RALGPS1: variants seen among roughly 807,000 people sequenced by gnomAD.
RALGPS1 encodes ras-specific guanine nucleotide-releasing factor RalGPS1.
A neutral mutation model predicts 78.8 loss-of-function variants in RALGPS1; 19 were observed. The ratio of observed to expected loss-of-function variants is 0.24; its 90% CI spans 0.17 to 0.35. The LOEUF is 0.35. Among genes scored for constraint, RALGPS1 ranks in the 10% least tolerant of loss-of-function variants. The pLI is 1.00. For missense variants in RALGPS1, 454 were observed against 688.3 expected, an observed-to-expected ratio of 0.66 and a Z score of 3.81; for synonymous variants, 228 against 256.3, an observed-to-expected ratio of 0.89 and a Z score of 1.06.
chr9:127,172,587 C>T (rs761753612), intron 10 of RALGPS1, among the ~76,000 whole-genome samples: 4 of 152,224 alleles, frequency 2.6e-5, no homozygotes, highest in Admixed American at 1.3e-4. Flanking sequence ...CATAGCCATT[C>T]GCTTCTTGCT....
chr9:127,050,190 C>A, intron 6 of RALGPS1, 58 bp downstream of exon 6: 1 of 1,342,456 alleles, frequency 7.4e-7, no homozygotes, highest in South Asian at 1.2e-5. Context: ...CACCTCCTCC[C>A]CAAAAATATG....
rs145610312 is a variant in RALGPS1, at chr9:127,176,019, C to T, written c.910+1237C>T. The stretch of plus-strand genomic sequence containing the variant: ...CTGCCCTGATTCCCAGGGGGGACTC[C>T]GGGCTGCTTGCCTTTTCCAGCCTCT... On this transcript the variant is annotated intron_variant, in intron 11 of 18. Coordinates refer to ENST00000259351, the MANE Select transcript of RALGPS1 (RefSeq NM_014636.3). Among the ~76,000 whole-genome samples the T allele has an allele frequency of 3.8e-3, 574 of 152,232 alleles. 2 individuals are homozygous for T. Among genetic ancestry groups the T allele is most frequent in the African/African-American group, 0.013 (538 of 41,518 alleles).
chr9:127,069,451 C>T (rs982008988), intron 8 of RALGPS1, 95 bp downstream of exon 8: 35 of 1,407,384 alleles, frequency 2.5e-5, no homozygotes, highest in Non-Finnish European at 3.0e-5. Context: ...TTCCAGGAAG[C>T]GACATGGCCC....
At chr9:127,089,626 A>T (rs1321930948) in intron 8 of RALGPS1, among the ~76,000 whole-genome samples, 2 of 152,202 alleles carry the variant, frequency 1.3e-5, no homozygotes, top group Non-Finnish European at 2.9e-5. Context: ...AATGACAAAG[A>T]AAGTGTTTAA....
intron 14 of RALGPS1, 46 bp downstream of exon 14, chr9:127,199,112 G>A (rs2061487281): frequency 1.3e-6 from 2 of 1,579,780 alleles, no homozygotes; most frequent in South Asian, 2.2e-5. Flanking sequence ...GCGGTGCTCA[G>A]GGCTGAGGGA....
intron 7 of RALGPS1, among the ~76,000 whole-genome samples, chr9:127,057,220 C>T (rs2048818865): frequency 1.3e-5 from 2 of 152,106 alleles, no homozygotes; most frequent in South Asian, 4.1e-4. Flanking sequence ...GACAAATAGA[C>T]ACCTACACTG....
chr9:127,166,257 G>A (rs1163353437), intron 9 of RALGPS1, 51 bp downstream of exon 9: 1 of 1,598,400 alleles, frequency 6.3e-7, no homozygotes, highest in South Asian at 1.1e-5. Context: ...TTGAAATTTG[G>A]GTCTTACCAG....
rs73591247 is a variant in RALGPS1, at chr9:127,036,509, G to A, written c.300+1995G>A. On this transcript the variant is annotated intron_variant, in intron 5 of 18. Coordinates refer to ENST00000259351, the MANE Select transcript of RALGPS1 (RefSeq NM_014636.3). The stretch of plus-strand genomic sequence containing the variant: ...GGAATATGAAGAGCTTTAGCACAAT[G>A]TCTGGCATGTAGTAAGCATCCAAAT... Among the ~76,000 whole-genome samples, 1,495 of 152,360 alleles carry A rather than the reference G, an allele frequency of 9.8e-3. 30 individuals carry two copies. The highest frequency in any genetic ancestry group is 0.034 in the African/African-American group (1,404 of 41,580).
chr9:126,961,650 G>A (rs903397191), intron 1 of RALGPS1, among the ~76,000 whole-genome samples: 1 of 152,156 alleles, frequency 6.6e-6, no homozygotes, highest in Non-Finnish European at 1.5e-5. Flanking sequence ...AAAACAATTA[G>A]TGGAGCATGG....
At position 127,155,898 on chromosome 9, in the gene RALGPS1, C is replaced by CT. The variant is rs11322458; in HGVS notation, c.611-10158dup. Among the ~76,000 whole-genome samples, 531 of 148,268 alleles carry CT rather than the reference C, an allele frequency of 3.6e-3. 4 individuals carry two copies. The highest frequency in any genetic ancestry group is 0.01 in the African/African-American group (428 of 40,832). ...GAAAGAGAAAGAAAGAAATATCTTG[C>CT]TTTTTTTTTTTTTACTTCTAAAACT... On this transcript the variant is annotated intron_variant, in intron 8 of 18. Transcript: ENST00000259351.
chr9:126,951,598 G>A (rs1359333963), intron 1 of RALGPS1, among the ~76,000 whole-genome samples: 33 of 151,304 alleles, frequency 2.2e-4, no homozygotes, highest in Non-Finnish European at 3.4e-4. Flanking sequence ...TGCAGAAAAG[G>A]CCTTTGACAA....
At chr9:126,929,336 G>C (rs771523462) in intron 1 of RALGPS1, among the ~76,000 whole-genome samples, 15 of 152,236 alleles carry the variant, frequency 9.9e-5, no homozygotes, top group Admixed American at 2.0e-4. Flanking sequence ...GAACTATTAA[G>C]TATGATCAAA....
At chr9:127,068,212 C>G (rs1293512992) in intron 7 of RALGPS1, among the ~76,000 whole-genome samples, 3 of 152,122 alleles carry the variant, frequency 2.0e-5, no homozygotes, top group East Asian at 3.8e-4. Flanking sequence ...ATTACCACAC[C>G]CAGTGTAAAT....
chr9:127,189,528 C>A (rs2060906935), intron 11 of RALGPS1, among the ~76,000 whole-genome samples: 1 of 152,216 alleles, frequency 6.6e-6, no homozygotes. Flanking sequence ...TTCTACTACT[C>A]TACTTGCAAG....
At chr9:127,166,280 A>G in intron 9 of RALGPS1, 74 bp downstream of exon 9, 1 of 1,550,634 alleles carries the variant, frequency 6.4e-7, no homozygotes, top group Admixed American at 1.9e-5. Context: ...AGAAAGCTCT[A>G]GAAACCTTTC....
intron 1 of RALGPS1, among the ~76,000 whole-genome samples, chr9:126,917,584 G>A (rs747408957): frequency 6.6e-6 from 1 of 152,120 alleles, no homozygotes; most frequent in Non-Finnish European, 1.5e-5. Flanking sequence ...ACAGAGCTTT[G>A]GTTTCTTTAT....
intron 1 of RALGPS1, among the ~76,000 whole-genome samples, chr9:126,935,773 GAGTA>G (rs2036200396): frequency 6.6e-6 from 1 of 152,232 alleles, no homozygotes; most frequent in Non-Finnish European, 1.5e-5. Flanking sequence ...TCTCAGAGAT[GAGTA>G]ATTTCTCTGA....
chr9:127,021,696 T>C (rs1054493387), intron 4 of RALGPS1, among the ~76,000 whole-genome samples: 6 of 149,366 alleles, frequency 4.0e-5, no homozygotes, highest in African/African-American at 9.9e-5. Context: ...CCCAAGAATA[T>C]GGAGAAAGGG....
intron 11 of RALGPS1, among the ~76,000 whole-genome samples, chr9:127,187,583 A>G (rs1311057935): frequency 6.6e-6 from 1 of 152,246 alleles, no homozygotes; most frequent in Non-Finnish European, 1.5e-5. Context: ...AACACCAGGT[A>G]GCCTTGGGTT....
Sources: allele counts gnomAD v4.1 joint callset (sites outside exome capture counted in the v4.1 genomes callset), GRCh38; gene constraint gnomAD v4.1.1; transcripts MANE v1.5; gene names NCBI Gene and HGNC (gene_info 2026-07-23, HGNC 2026-07-21).